NRXN3: variants seen among roughly 807,000 people sequenced by gnomAD.
NRXN3 encodes neurexin 3, also known as neurexin III.
In NRXN3, 32 loss-of-function variants were observed where a neutral mutation model predicts 137.6. The ratio of observed to expected loss-of-function variants is 0.23; its 90% confidence interval spans 0.18 to 0.31. The LOEUF (loss-of-function observed/expected upper bound fraction) is 0.31, where lower values mean the gene tolerates loss of function less well. NRXN3 is among the 10% of genes least tolerant of loss of function. The pLI is 1.00. For missense variants in NRXN3, 1,574 were observed against 2,062.5 expected (o/e 0.76, Z 4.59); for synonymous variants, 798 against 784.5 (o/e 1.02, Z -0.29).
At chr14:78,850,221 G>T (rs935347272) in intron 10 of NRXN3, among the ~76,000 whole-genome samples, 1 of 152,116 alleles carries the variant, frequency 6.6e-6, no homozygotes, top group South Asian at 2.1e-4. Flanking sequence ...AGCAGGAAGG[G>T]CCTAGAAACC....
chr14:79,451,201 C>T lies in NRXN3; in HGVS notation c.3263-16020C>T, dbSNP rs893883915. 5.3e-5 allele frequency among the ~76,000 whole-genome samples: 8 copies of T among 151,714 alleles called. 1 individual carries two copies. Among genetic ancestry groups the T allele is most frequent in the African/African-American group, 1.9e-4 (8 of 41,298 alleles). Reference sequence around the variant, plus strand: ...AAAAAAAAAAAAGCTCAGGATATCACCACTATTTCTGAGGAACTCATAATT... The same window carrying T: ...AAAAAAAAAAAAGCTCAGGATATCATCACTATTTCTGAGGAACTCATAATT... On this transcript the variant is annotated intron_variant, in intron 15 of 20. Transcript: ENST00000335750.
chr14:79,524,019 C>G (rs956783070), intron 16 of NRXN3, among the ~76,000 whole-genome samples: 8 of 152,178 alleles, frequency 5.3e-5, no homozygotes, highest in Admixed American at 3.3e-4. Flanking sequence ...GGATAGGAAG[C>G]ATACCCTGTT....
intron 15 of NRXN3, among the ~76,000 whole-genome samples, chr14:79,100,797 T>C (rs531748121): frequency 1.3e-5 from 2 of 152,328 alleles, no homozygotes; most frequent in African/African-American, 4.8e-5. Context: ...CCTGTACCTC[T>C]GGGCACAGTC....
intron 15 of NRXN3, among the ~76,000 whole-genome samples, chr14:79,094,959 A>AGG: frequency 1.3e-5 from 1 of 75,364 alleles, no homozygotes; most frequent in Non-Finnish European, 3.2e-5. Context: ...AGAGAGAGAG[A>AGG]GAGAGAGAGA....
At chr14:79,532,321 ATAAT>A (rs922793027) in intron 16 of NRXN3, among the ~76,000 whole-genome samples, 3 of 152,210 alleles carry the variant, frequency 2.0e-5, no homozygotes, top group Admixed American at 2.0e-4. Context: ...ATATAAATAG[ATAAT>A]TAATTTTGAT....
At chr14:78,501,170 T>C (rs925189337) in intron 4 of NRXN3, among the ~76,000 whole-genome samples, 2 of 152,184 alleles carry the variant, frequency 1.3e-5, no homozygotes, top group Non-Finnish European at 2.9e-5. Flanking sequence ...CATTTATTAT[T>C]TCACAGTTTC....
intron 17 of NRXN3, among the ~76,000 whole-genome samples, chr14:79,679,119 T>C (rs1029960430): frequency 2.0e-5 from 3 of 152,132 alleles, no homozygotes; most frequent in African/African-American, 7.2e-5. Flanking sequence ...GAATAATTTC[T>C]TTAAATCATG....
chr14:79,397,392 C>T (rs566148832), intron 15 of NRXN3, among the ~76,000 whole-genome samples: 138 of 152,278 alleles, frequency 9.1e-4, no homozygotes, highest in Middle Eastern at 3.4e-3. Flanking sequence ...GTGCTAAATA[C>T]GTGTTTATTG....
chr14:79,174,572 A>T (rs2062117475), intron 15 of NRXN3, among the ~76,000 whole-genome samples: 1 of 150,536 alleles, frequency 6.6e-6, no homozygotes, highest in South Asian at 2.1e-4. Context: ...ACTCTCATAG[A>T]AATAAAAATA....
chr14:78,803,516 T>A (rs1051558614), intron 8 of NRXN3, 104 bp from the exon 9 acceptor site: 7 of 1,023,882 alleles, frequency 6.8e-6, no homozygotes, highest in Non-Finnish European at 9.1e-6. Context: ...GTCACTAGGC[T>A]ACAAATCTGG....
At chr14:78,993,199 G>A (rs1368039180) in intron 15 of NRXN3, among the ~76,000 whole-genome samples, 1 of 152,090 alleles carries the variant, frequency 6.6e-6, no homozygotes, top group Admixed American at 6.6e-5. Flanking sequence ...TATTTATTGT[G>A]TGGGTTTATT....
At chr14:79,428,350 A>T (rs538024731) in intron 15 of NRXN3, among the ~76,000 whole-genome samples, 2 of 151,992 alleles carry the variant, frequency 1.3e-5, no homozygotes, top group African/African-American at 4.8e-5. Context: ...TAATTAAAAA[A>T]ATAATATTAT....
chr14:78,617,383 G>A (rs1015039143), intron 4 of NRXN3, among the ~76,000 whole-genome samples: 1 of 152,128 alleles, frequency 6.6e-6, no homozygotes, highest in African/African-American at 2.4e-5. Flanking sequence ...GCCATAAAAT[G>A]GTAGTGTTAA....
At chr14:78,609,291 G>GA (rs112262413) in intron 4 of NRXN3, among the ~76,000 whole-genome samples, 3,134 of 146,730 alleles carry the variant, frequency 0.021, 99 homozygotes, top group African/African-American at 0.072. Context: ...TAACCTCCAT[G>GA]AAAAAAAAAA....
intron 1 of NRXN3, among the ~76,000 whole-genome samples, chr14:78,217,766 A>C (rs2063444645): frequency 6.6e-6 from 1 of 152,192 alleles, no homozygotes; most frequent in African/African-American, 2.4e-5. Context: ...GGTTCAAGCG[A>C]TTCTTCTGCC....
intron 6 of NRXN3, among the ~76,000 whole-genome samples, chr14:78,653,640 A>T (rs2097763604): frequency 6.6e-6 from 1 of 152,094 alleles, no homozygotes; most frequent in Non-Finnish European, 1.5e-5. Context: ...GAAAATTTTG[A>T]AACAAGTCTC....
chr14:79,561,449 C>T (rs1481526068), intron 16 of NRXN3, among the ~76,000 whole-genome samples: 1 of 152,116 alleles, frequency 6.6e-6, no homozygotes, highest in Admixed American at 6.6e-5. Context: ...AAATCTGCCA[C>T]TTTTGTAGGT....
Position 78,571,416 on chromosome 14 carries a change from G to T in NRXN3, c.758-73704G>T, listed in dbSNP as rs113436540. Among the ~76,000 whole-genome samples, 49 of 152,154 alleles carry T rather than the reference G, an allele frequency of 3.2e-4. 1 individual carries two copies. Among genetic ancestry groups the T allele is most frequent in the Admixed American group, 6.5e-5 (1 of 15,280 alleles). On this transcript the variant is annotated intron_variant, in intron 4 of 20. Transcript: ENST00000335750. Reference sequence around the variant, plus strand: ...GAAAAATGAATTTATGGTTTTGGGCGCAGCTTTAGTTTTGTCTTTGGGGAT... The same window carrying T: ...GAAAAATGAATTTATGGTTTTGGGCTCAGCTTTAGTTTTGTCTTTGGGGAT...
At chr14:79,702,332 G>T (rs186898921) in intron 19 of NRXN3, among the ~76,000 whole-genome samples, 4 of 152,092 alleles carry the variant, frequency 2.6e-5, no homozygotes, top group Admixed American at 2.6e-4. Flanking sequence ...AATCTAAATA[G>T]GGCAAGAGGG....
Sources: allele counts gnomAD v4.1 joint callset (sites outside exome capture counted in the v4.1 genomes callset), GRCh38; gene constraint gnomAD v4.1.1; transcripts MANE v1.5; gene names NCBI Gene and HGNC (gene_info 2026-07-23, HGNC 2026-07-21).